Variants in PIP4K2A observed in about 807,000 individuals in gnomAD.
PIP4K2A encodes the protein phosphatidylinositol-5-phosphate 4-kinase type 2 alpha.
PIP4K2A carries 14 observed loss-of-function variants against 42.9 expected under a neutral mutation model. The observed-to-expected ratio is 0.33, with a 90% CI of 0.22 to 0.51. The LOEUF (loss-of-function observed/expected upper bound fraction) is 0.51. Among genes scored for constraint, PIP4K2A ranks in the 20% least tolerant of loss-of-function variants. PIP4K2A has a pLI of 0.97. For missense variants in PIP4K2A, 434 were observed against 519.8 expected (o/e 0.83, Z 1.61); for synonymous variants, 192 against 192.2 (o/e 1.00, Z 0.01).
In PIP4K2A at chr10:22,537,084, C is replaced by A; in HGVS notation, c.*117G>T. On this transcript the variant is annotated 3_prime_UTR_variant, in exon 10 of 10. Transcript: ENST00000376573. ...AGTCATCTTGGCCTGAAGATGTAAA[C>A]AAGGAGGTTTGCTTCCTGCAAGATG... is the stretch of plus-strand genomic sequence containing the variant. 1.4e-6 allele frequency: 1 copy of A among 724,414 alleles called. No homozygotes were observed. Among genetic ancestry groups the A allele is most frequent in the South Asian group, 1.8e-5 (1 of 55,858 alleles). The allele number at this position is 724,414 out of a possible 1,614,324, so 44.9% of individuals were successfully genotyped here.
chr10:22,641,605 A>G (rs565845341), intron 1 of PIP4K2A, among the ~76,000 whole-genome samples: 2 of 151,228 alleles, frequency 1.3e-5, no homozygotes, highest in South Asian at 2.1e-4. Flanking sequence ...CCACACTCAG[A>G]TAGGTTTTTT....
At chr10:22,676,165 CA>C (rs2130869517) in intron 1 of PIP4K2A, among the ~76,000 whole-genome samples, 1 of 152,126 alleles carries the variant, frequency 6.6e-6, no homozygotes, top group East Asian at 1.9e-4. Flanking sequence ...AGCAGAGGCT[CA>C]AAAACTGTGG....
intron 1 of PIP4K2A, among the ~76,000 whole-genome samples, chr10:22,618,043 T>A (rs768842136): frequency 3.7e-4 from 57 of 152,324 alleles, no homozygotes; most frequent in Non-Finnish European, 6.8e-4. Context: ...CTGTAATTAA[T>A]TTCATAGGGA....
At chr10:22,563,238 T>A (rs1374248609) in intron 6 of PIP4K2A, among the ~76,000 whole-genome samples, 1 of 152,180 alleles carries the variant, frequency 6.6e-6, no homozygotes, top group Non-Finnish European at 1.5e-5. Flanking sequence ...ATAAGAGTTA[T>A]TAGAAACCTC....
At chr10:22,708,093 A>G (rs1428791157) in intron 1 of PIP4K2A, among the ~76,000 whole-genome samples, 1 of 152,206 alleles carries the variant, frequency 6.6e-6, no homozygotes, top group African/African-American at 2.4e-5. Flanking sequence ...GGAAACGAAG[A>G]GACGGATTCA....
At chr10:22,653,656 G>C (rs1368746781) in intron 1 of PIP4K2A, among the ~76,000 whole-genome samples, 1 of 152,136 alleles carries the variant, frequency 6.6e-6, no homozygotes, top group Non-Finnish European at 1.5e-5. Context: ...GCTCACCCCT[G>C]TAATCCCAGC....
intron 1 of PIP4K2A, among the ~76,000 whole-genome samples, chr10:22,660,373 A>G (rs963614367): frequency 6.6e-6 from 1 of 152,174 alleles, no homozygotes; most frequent in Non-Finnish European, 1.5e-5. Flanking sequence ...TGGGAGGCTG[A>G]GGCAGGAGAA....
intron 5 of PIP4K2A, among the ~76,000 whole-genome samples, chr10:22,570,409 C>T (rs1395801689): frequency 6.6e-6 from 1 of 152,252 alleles, no homozygotes; most frequent in African/African-American, 2.4e-5. Context: ...GTGCTCTGAG[C>T]AGTACCGCCA....
chr10:22,565,633 C>A (rs1836828089), intron 6 of PIP4K2A, among the ~76,000 whole-genome samples: 1 of 152,082 alleles, frequency 6.6e-6, no homozygotes, highest in Non-Finnish European at 1.5e-5. Context: ...AATCTGGGCA[C>A]CCTGAAAAAA....
intron 7 of PIP4K2A, among the ~76,000 whole-genome samples, chr10:22,547,991 C>T (rs558383715): frequency 3.3e-5 from 5 of 152,160 alleles, no homozygotes; most frequent in Admixed American, 6.5e-5. Context: ...AGATCTCCTA[C>T]TCGAGGCATT....
intron 5 of PIP4K2A, among the ~76,000 whole-genome samples, chr10:22,572,630 A>G (rs1228775752): frequency 2.6e-5 from 4 of 151,994 alleles, no homozygotes; most frequent in Non-Finnish European, 5.9e-5. Context: ...GAAAAGAAAA[A>G]AAAGTCCCTC....
chr10:22,588,418 C>G (rs543238756), intron 4 of PIP4K2A, among the ~76,000 whole-genome samples: 3 of 152,168 alleles, frequency 2.0e-5, no homozygotes, highest in Non-Finnish European at 4.4e-5. Flanking sequence ...CATCTTAGTA[C>G]CAAGACCACT....
chr10:22,704,609 C>T (rs1833781011), intron 1 of PIP4K2A, among the ~76,000 whole-genome samples: 1 of 141,350 alleles, frequency 7.1e-6, no homozygotes. Flanking sequence ...GCCATGATTG[C>T]ACCATGCACT....
intron 1 of PIP4K2A, among the ~76,000 whole-genome samples, chr10:22,692,807 G>T (rs148628255): frequency 1.8e-4 from 27 of 152,314 alleles, no homozygotes; most frequent in African/African-American, 6.3e-4. Flanking sequence ...CTATGGTATA[G>T]GAATCTTCTT....
At position 22,536,947 on chromosome 10, in the gene PIP4K2A, GCACACACTCACCCCCCCCCAACA is replaced by G. The variant is rs1482572986; in HGVS notation, c.*231_*253del. On this transcript the variant is annotated 3_prime_UTR_variant, in exon 10 of 10. Transcript: ENST00000376573. ...TATGACTTTTAAAATGCACACGCGC[GCACACACTCACCCCCCCCCAACA>G]CACACACACACACATATACACAAAG... 5.0e-6 allele frequency: 2 copies of G among 402,868 alleles called. No homozygotes were observed. Among genetic ancestry groups the G allele is most frequent in the Non-Finnish European group, 8.2e-6 (2 of 244,944 alleles). 25.0% of individuals were successfully genotyped at this position (402,868 alleles called of 1,614,324 possible). A position where few individuals can be genotyped will look rare whatever the true frequency, so the allele number is the denominator to read the frequency against.
chr10:22,657,999 T>C (rs1839133990), intron 1 of PIP4K2A, among the ~76,000 whole-genome samples: 1 of 152,204 alleles, frequency 6.6e-6, no homozygotes, highest in Non-Finnish European at 1.5e-5. Context: ...AGATCACTGC[T>C]ACAGAAATAT....
chr10:22,558,667 A>G (rs1836611860), intron 6 of PIP4K2A, among the ~76,000 whole-genome samples: 1 of 152,242 alleles, frequency 6.6e-6, no homozygotes. Flanking sequence ...GAGGTCATTA[A>G]TAACTTCTAA....
chr10:22,679,390 G>A (rs1839619015), intron 1 of PIP4K2A, among the ~76,000 whole-genome samples: 1 of 152,188 alleles, frequency 6.6e-6, no homozygotes, highest in African/African-American at 2.4e-5. Context: ...CTACTAGGAT[G>A]GCTATAAGAA....
At chr10:22,677,814 C>T (rs1385250478) in intron 1 of PIP4K2A, among the ~76,000 whole-genome samples, 1 of 152,166 alleles carries the variant, frequency 6.6e-6, no homozygotes, top group Non-Finnish European at 1.5e-5. Context: ...AATCTAGCAT[C>T]TCAATCAGTC....
Sources: allele counts gnomAD v4.1 joint callset (sites outside exome capture counted in the v4.1 genomes callset), GRCh38; gene constraint gnomAD v4.1.1; transcripts MANE v1.5; gene names NCBI Gene and HGNC (gene_info 2026-07-23, HGNC 2026-07-21).